The following ELOVL6 variants were observed in gnomAD, a reference collection of about 807,000 sequenced individuals.
The protein encoded by ELOVL6 is ELOVL fatty acid elongase 6.
Under a neutral mutation model 31.7 loss-of-function variants are expected in ELOVL6, and 8 were observed. That is an observed-to-expected ratio of 0.25 (90% CI 0.15 to 0.45). The LOEUF (loss-of-function observed/expected upper bound fraction) is 0.45, where lower values mean the gene tolerates loss of function less well. ELOVL6 is among the 20% of genes least tolerant of loss of function. The pLI is 1.00. For missense variants in ELOVL6, 126 were observed against 326.4 expected, an observed-to-expected ratio of 0.39 and a Z score of 4.73; for synonymous variants, 101 against 117.7, an observed-to-expected ratio of 0.86 and a Z score of 0.92.
intron 1 of ELOVL6, among the ~76,000 whole-genome samples, chr4:110,196,817 C>A (rs1560868523): frequency 6.6e-6 from 1 of 152,084 alleles, no homozygotes; most frequent in East Asian, 1.9e-4. Context: ...GCCCGGCAGC[C>A]GCCGCAAATG....
intron 1 of ELOVL6, among the ~76,000 whole-genome samples, chr4:110,175,047 TA>T (rs570462875): frequency 6.6e-4 from 97 of 146,794 alleles, no homozygotes; most frequent in African/African-American, 1.5e-3. Context: ...TTTAAAAAAC[TA>T]AAAAAAAAAA....
chr4:110,194,074 G>C (rs1293350220), intron 1 of ELOVL6, among the ~76,000 whole-genome samples: 1 of 152,236 alleles, frequency 6.6e-6, no homozygotes, highest in Non-Finnish European at 1.5e-5. Flanking sequence ...TGCTGAAAGA[G>C]AAGGCAGAGA....
chr4:110,195,578 G>T (rs1759748905), intron 1 of ELOVL6, among the ~76,000 whole-genome samples: 1 of 152,112 alleles, frequency 6.6e-6, no homozygotes. Context: ...GGGTCAGGAA[G>T]AGTTGCAAGG....
At chr4:110,095,262 A>G (rs1413032261) in intron 2 of ELOVL6, among the ~76,000 whole-genome samples, 1 of 152,168 alleles carries the variant, frequency 6.6e-6, no homozygotes. Flanking sequence ...TGGGCAGATC[A>G]CCTGAGGTCA....
At chr4:110,127,420 A>AAAG (rs1553959437) in intron 1 of ELOVL6, among the ~76,000 whole-genome samples, 1,823 of 150,744 alleles carry the variant, frequency 0.012, 52 homozygotes, top group African/African-American at 0.042. Flanking sequence ...AAAAAAAAAA[A>AAAG]AAAAAGAAAA....
intron 1 of ELOVL6, among the ~76,000 whole-genome samples, chr4:110,143,515 C>T (rs777641928): frequency 4.3e-4 from 65 of 151,770 alleles, no homozygotes; most frequent in Non-Finnish European, 8.5e-4. Flanking sequence ...TATTTCTTAT[C>T]TTATATTTCT....
intron 2 of ELOVL6, among the ~76,000 whole-genome samples, chr4:110,097,148 A>G (rs963779947): frequency 6.6e-6 from 1 of 152,014 alleles, no homozygotes; most frequent in African/African-American, 2.4e-5. Flanking sequence ...TCTACTAAAA[A>G]TACAAAAATT....
chr4:110,119,296 AAAAG>A (rs146812273), intron 1 of ELOVL6, among the ~76,000 whole-genome samples: 12,709 of 152,102 alleles, frequency 0.084, 701 homozygotes, highest in Non-Finnish European at 0.12. Flanking sequence ...TCTCCATCTC[AAAAG>A]AAAGAAAGAA....
At chr4:110,108,457 A>T (rs1160963307) in intron 1 of ELOVL6, among the ~76,000 whole-genome samples, 2 of 152,308 alleles carry the variant, frequency 1.3e-5, no homozygotes, top group Non-Finnish European at 2.9e-5. Context: ...ATCCTAATGC[A>T]CTGCTCACTT....
intron 1 of ELOVL6, among the ~76,000 whole-genome samples, chr4:110,158,655 A>T (rs59512734): frequency 5.5e-4 from 42 of 76,182 alleles, no homozygotes; most frequent in African/African-American, 1.9e-3. Context: ...ATATATATAT[A>T]TATTTTTTTT....
intron 2 of ELOVL6, among the ~76,000 whole-genome samples, chr4:110,102,379 C>T (rs1756772143): frequency 6.6e-6 from 1 of 152,146 alleles, no homozygotes; most frequent in Non-Finnish European, 1.5e-5. Context: ...TACTGGCCAA[C>T]ACTGGGAATT....
intron 2 of ELOVL6, among the ~76,000 whole-genome samples, chr4:110,103,161 CCT>C (rs1476426716): frequency 1.3e-5 from 2 of 152,142 alleles, no homozygotes; most frequent in Non-Finnish European, 2.9e-5. Flanking sequence ...TCCAATTAAA[CCT>C]CTTTTTCTTC....
intron 1 of ELOVL6, among the ~76,000 whole-genome samples, chr4:110,141,476 C>T (rs1037250944): frequency 6.6e-6 from 1 of 151,860 alleles, no homozygotes; most frequent in Non-Finnish European, 1.5e-5. Flanking sequence ...TCCCTGGGAC[C>T]ACACACTCAG....
At chr4:110,089,150 ATTTAT>A (rs146322860) in intron 2 of ELOVL6, among the ~76,000 whole-genome samples, 4,750 of 152,302 alleles carry the variant, frequency 0.031, 105 homozygotes, top group East Asian at 0.11. Flanking sequence ...ATGAGCATAC[ATTTAT>A]TTTAGGATAA....
At chr4:110,084,021 ATATGCCATATATGG>A in intron 2 of ELOVL6, among the ~76,000 whole-genome samples, 2 of 57,150 alleles carry the variant, frequency 3.5e-5, no homozygotes, top group African/African-American at 7.1e-5. Context: ...GGTATATAAC[ATATGCCATATATGG>A]TATATAACAC....
intron 3 of ELOVL6, among the ~76,000 whole-genome samples, chr4:110,057,075 A>G (rs1177736411): frequency 6.6e-6 from 1 of 152,216 alleles, no homozygotes; most frequent in African/African-American, 2.4e-5. Flanking sequence ...TAATCACTAC[A>G]GATAGCTTGA....
intron 1 of ELOVL6, among the ~76,000 whole-genome samples, chr4:110,186,803 CAAAA>C (rs397994948): frequency 0.045 from 3,672 of 82,262 alleles, 72 homozygotes; most frequent in South Asian, 0.12. Context: ...GACTCTGTCT[CAAAA>C]AAAAAAAAAA....
intron 1 of ELOVL6, among the ~76,000 whole-genome samples, chr4:110,121,398 G>A (rs1039848583): frequency 2.6e-5 from 4 of 152,170 alleles, no homozygotes; most frequent in Non-Finnish European, 2.9e-5. Flanking sequence ...GGTAAAGAAG[G>A]TTTGTTTGTT....
chr4:110,129,181 T>C (rs547123962), intron 1 of ELOVL6, among the ~76,000 whole-genome samples: 1 of 152,348 alleles, frequency 6.6e-6, no homozygotes, highest in East Asian at 1.9e-4. Flanking sequence ...AAATTAATAA[T>C]TATTTTTAAG....
Sources: allele counts gnomAD v4.1 joint callset (sites outside exome capture counted in the v4.1 genomes callset), GRCh38; gene constraint gnomAD v4.1.1; transcripts MANE v1.5; gene names NCBI Gene and HGNC (gene_info 2026-07-23, HGNC 2026-07-21).